KANSL1L: variants seen among roughly 807,000 people sequenced by gnomAD.
KANSL1L encodes the protein KAT8 regulatory NSL complex subunit 1 like.
A neutral mutation model predicts 108.6 loss-of-function variants in KANSL1L; 25 were observed. The observed-to-expected ratio is 0.23, with a 90% CI of 0.17 to 0.32. The LOEUF (loss-of-function observed/expected upper bound fraction) is 0.32, where lower values mean the gene tolerates loss of function less well. Ranked by LOEUF, KANSL1L falls within the 10% of genes least tolerant of loss-of-function variation. KANSL1L has a pLI of 1.00. For synonymous variants in KANSL1L, 405 were observed against 395.1 expected, an observed-to-expected ratio of 1.03 and a Z score of -0.30; for missense variants, 1,137 against 1,125.7, an observed-to-expected ratio of 1.01 and a Z score of -0.14.
At chr2:210,048,578 TATATACACACAC>T (rs1189552476) in intron 6 of KANSL1L, among the ~76,000 whole-genome samples, 1 of 152,146 alleles carries the variant, frequency 6.6e-6, no homozygotes, top group East Asian at 1.9e-4. Context: ...TGTGTATATA[TATATACACACAC>T]ACATACATAT....
At chr2:210,113,336 G>A (rs990344977) in intron 3 of KANSL1L, among the ~76,000 whole-genome samples, 12 of 152,082 alleles carry the variant, frequency 7.9e-5, no homozygotes, top group Non-Finnish European at 1.2e-4. Flanking sequence ...CCAAGAAAAC[G>A]TGCAGGCTCA....
intron 1 of KANSL1L, among the ~76,000 whole-genome samples, chr2:210,164,502 T>C (rs748086490): frequency 2.0e-5 from 3 of 152,140 alleles, no homozygotes; most frequent in Non-Finnish European, 4.4e-5. Context: ...CTTTATTATA[T>C]TACTCTAGGC....
In KANSL1L at chr2:210,027,276, T is replaced by C. The variant is rs1482591285; in HGVS notation, c.2451+20A>G. On this transcript the variant is annotated intron_variant, in intron 12 of 14. Coordinates refer to ENST00000281772, the MANE Select transcript of KANSL1L (RefSeq NM_152519.4). ...TAATACATAATGTGCAATTATCCCATTAAATGAAAGGCAGCTTACCTCTTC... is the reference window on the plus strand; with the variant it reads ...TAATACATAATGTGCAATTATCCCACTAAATGAAAGGCAGCTTACCTCTTC... The C allele has an allele frequency of 6.5e-7, 1 of 1,546,702 alleles. No individual in the cohort carries two copies. Among genetic ancestry groups the C allele is most frequent in the Non-Finnish European group, 8.9e-7 (1 of 1,118,698 alleles).
At chr2:210,077,160 A>G (rs2094548519) in intron 5 of KANSL1L, among the ~76,000 whole-genome samples, 1 of 152,204 alleles carries the variant, frequency 6.6e-6, no homozygotes, top group Admixed American at 6.5e-5. Context: ...ATAATTAAAT[A>G]TGGCATTTGG....
At chr2:210,147,864 TTTCAG>T (rs796429341) in intron 2 of KANSL1L, among the ~76,000 whole-genome samples, 17 of 152,350 alleles carry the variant, frequency 1.1e-4, no homozygotes, top group African/African-American at 4.1e-4. Flanking sequence ...TCACCTTGCT[TTTCAG>T]TTCTTTTCCT....
intron 3 of KANSL1L, among the ~76,000 whole-genome samples, chr2:210,122,697 T>C (rs2125514884): frequency 6.6e-6 from 1 of 152,032 alleles, no homozygotes; most frequent in East Asian, 1.9e-4. Flanking sequence ...CGTTAACACA[T>C]CATGTTAAAA....
rs779125976 is a variant in KANSL1L at position 210,154,212 on chromosome 2, A to C, written c.371T>G (p.Ile124Ser). Residue 124 changes from isoleucine to serine, a missense_variant, in exon 2 of 15, where the codon ATC becomes AGC. Physicochemically the swap from Ile to Ser is moderately radical, Grantham distance 142. This residue lies in a region of KANSL1L where 556 missense variants were observed against 537.7 expected (regional missense o/e 1.03). Transcript: ENST00000281772. ...GAACTCTTCAGAATGAGAAAGACAGATTTTACTGAGCTGAATGTTGCTGCC... is the reference window on the plus strand; with the variant it reads ...GAACTCTTCAGAATGAGAAAGACAGCTTTTACTGAGCTGAATGTTGCTGCC... ...YNGSNIQLSK[I>S]CLSHSEEFIK... The C allele has an allele frequency of 2.4e-5, 39 of 1,614,042 alleles. No individual in the cohort carries two copies. Among genetic ancestry groups the C allele is most frequent in the Non-Finnish European group, 3.1e-5 (36 of 1,179,998 alleles).
At chr2:210,150,557 C>A (rs1465916827) in intron 2 of KANSL1L, among the ~76,000 whole-genome samples, 1 of 151,956 alleles carries the variant, frequency 6.6e-6, no homozygotes, top group Non-Finnish European at 1.5e-5. Context: ...CCAAGGTCAG[C>A]AGATTACCTG....
In KANSL1L at chr2:210,031,537, G is replaced by A. The variant is rs2094016215; in HGVS notation, c.2039C>T (p.Thr680Ile). Residue 680 changes from threonine (T) to isoleucine (I), a missense_variant, in exon 9 of 15, where the codon ACT (threonine) becomes ATT (isoleucine). Thr to Ile is a moderately conservative substitution (Grantham distance 89). Transcript: ENST00000281772. ...ATATCCATTTCTCCATTGATTCAGA[G>A]TACTATGTACTAAAACAAATGAAAA... ...YIISPSPVHS[T>I]LNQWRNGYSP... 3 of 1,522,182 alleles carry A rather than the reference G, an allele frequency of 2.0e-6. No individual in the cohort carries two copies. The highest frequency in any genetic ancestry group is 2.8e-5 in the African/African-American group (2 of 71,770). The allele number at this position is 1,522,182 out of a possible 1,614,324, so 94.3% of individuals were successfully genotyped here.
chr2:210,080,668 GAC>G (rs2094582392), intron 5 of KANSL1L, among the ~76,000 whole-genome samples: 1 of 152,170 alleles, frequency 6.6e-6, no homozygotes, highest in African/African-American at 2.4e-5. Context: ...CCATACACTA[GAC>G]ACCTTAACAA....
Position 210,108,807 on chromosome 2 carries a change from A to C in KANSL1L, c.1231-4506T>G, listed in dbSNP as rs562137141. ...TGAATGTGGTTCCCTCAAATCTCACAGAACTAGTAAGCCTAAGGTTTTATG... is the reference window on the plus strand; with the variant it reads ...TGAATGTGGTTCCCTCAAATCTCACCGAACTAGTAAGCCTAAGGTTTTATG... On this transcript the variant is annotated intron_variant, in intron 3 of 14. Transcript: ENST00000281772. Among the ~76,000 whole-genome samples the C allele has an allele frequency of 2.6e-5, 4 of 152,342 alleles. No individual in the cohort carries two copies. In the South Asian group the frequency reaches 6.2e-4, roughly 24 times the overall value.
intron 2 of KANSL1L, among the ~76,000 whole-genome samples, chr2:210,131,709 CTTTT>C (rs749224357): frequency 5.0e-5 from 7 of 139,372 alleles, no homozygotes; most frequent in Non-Finnish European, 1.1e-4. Flanking sequence ...AATAAATTTT[CTTTT>C]TTTTTTTTTT....
intron 3 of KANSL1L, among the ~76,000 whole-genome samples, chr2:210,105,306 A>G (rs958179724): frequency 3.4e-5 from 5 of 148,342 alleles, no homozygotes; most frequent in African/African-American, 1.2e-4. Flanking sequence ...TACTGATATT[A>G]CATATATTAT....
chr2:210,102,041 A>G (rs2094798624), intron 4 of KANSL1L, among the ~76,000 whole-genome samples: 1 of 152,198 alleles, frequency 6.6e-6, no homozygotes. Context: ...CACTTATTAA[A>G]TAGGGGATCT....
rs765075349 is a variant in KANSL1L at position 210,153,515 on chromosome 2, G to A, written c.1068C>T (p.Thr356=). 8.1e-6 allele frequency: 13 copies of A among 1,613,558 alleles called. No individual in the cohort carries two copies. Among genetic ancestry groups the A allele is most frequent in the Non-Finnish European group, 1.0e-5 (12 of 1,179,894 alleles). ...CTTACACTGCCACATTTTTTCTAAGGGTATATTCATCCAAATCGTCATCAG... is the reference window on the plus strand; with the variant it reads ...CTTACACTGCCACATTTTTTCTAAGAGTATATTCATCCAAATCGTCATCAG... The part of the protein sequence containing the change: ...SSSDDDLDEY[T]LRKNVAVNCS... The change falls in exon 2 of 15, where the codon ACC becomes ACT. Residue 356 remains threonine, a synonymous_variant. Transcript: ENST00000281772.
At chr2:210,085,874 A>G (rs1219920445) in intron 5 of KANSL1L, among the ~76,000 whole-genome samples, 2 of 150,238 alleles carry the variant, frequency 1.3e-5, no homozygotes, top group Non-Finnish European at 1.5e-5. Flanking sequence ...TATTAGAGTT[A>G]TAAAGGAAAA....
chr2:210,078,753 G>A (rs545645503), intron 5 of KANSL1L, among the ~76,000 whole-genome samples: 2 of 152,100 alleles, frequency 1.3e-5, no homozygotes, highest in African/African-American at 4.8e-5. Flanking sequence ...TTTTGAGGAA[G>A]ACAACACAAG....
chr2:210,056,491 C>A (rs1441753152), intron 6 of KANSL1L, among the ~76,000 whole-genome samples: 1 of 152,086 alleles, frequency 6.6e-6, no homozygotes, highest in East Asian at 1.9e-4. Context: ...AGCTAAATAT[C>A]TTTTTTTGAG....
intron 2 of KANSL1L, among the ~76,000 whole-genome samples, chr2:210,131,319 A>T (rs560820381): frequency 6.6e-6 from 1 of 152,320 alleles, no homozygotes; most frequent in South Asian, 2.1e-4. Flanking sequence ...AAAGATATGT[A>T]GATAAAAGAA....
Sources: gnomAD v4.1 joint callset for allele counts (sites outside exome capture counted in the v4.1 genomes callset) on GRCh38, gnomAD v4.1.1 for gene constraint, gnomAD v4.1.1 regional missense constraint, MANE v1.5 for transcripts, NCBI Gene and HGNC (gene_info 2026-07-23, HGNC 2026-07-21) for gene names.